Variants in MCTP2 observed in about 807,000 individuals in gnomAD.
MCTP2 encodes the protein multiple C2 and transmembrane domain-containing protein 2.
MCTP2 carries 132 observed loss-of-function variants against 111.6 expected under a neutral mutation model. The observed-to-expected ratio is 1.18, with a 90% CI of 1.03 to 1.37. MCTP2 has a LOEUF of 1.37. MCTP2 is among the 40% of genes most tolerant of loss of function. MCTP2 has a pLI of 0.00. For synonymous variants in MCTP2, 395 were observed against 387.7 expected (o/e 1.02, Z -0.22); for missense variants, 1,183 against 1,067.9 (o/e 1.11, Z -1.50).
chr15:94,281,603 T>C (rs8035713), intron 1 of MCTP2, among the ~76,000 whole-genome samples: 77,596 of 151,914 alleles, frequency 0.51, 19,952 homozygotes, highest in East Asian at 0.61. Context: ...GTTGTTGTGA[T>C]GTTCACTGTT....
intron 1 of MCTP2, among the ~76,000 whole-genome samples, chr15:94,289,002 A>G (rs546392620): frequency 1.3e-5 from 2 of 152,334 alleles, no homozygotes; most frequent in South Asian, 2.1e-4. Flanking sequence ...TTGAAAAATA[A>G]TAGAGTCTCC....
intron 20 of MCTP2, among the ~76,000 whole-genome samples, chr15:94,464,878 G>A (rs1237470497): frequency 1.3e-5 from 2 of 152,020 alleles, no homozygotes; most frequent in Non-Finnish European, 2.9e-5. Context: ...TATTGATCCA[G>A]CAATGGACTA....
At chr15:94,244,347 T>TATACAC (rs1491409572) in intron 1 of MCTP2, among the ~76,000 whole-genome samples, 1 of 149,416 alleles carries the variant, frequency 6.7e-6, no homozygotes, top group Non-Finnish European at 1.5e-5. Context: ...CACGTATACG[T>TATACAC]ATACACATAC....
chr15:94,469,876 GACAAAAAAGA>G (rs200679998), intron 20 of MCTP2, among the ~76,000 whole-genome samples: 1,641 of 148,082 alleles, frequency 0.011, 32 homozygotes, highest in African/African-American at 0.039. Flanking sequence ...TCTCAAAAAA[GACAAAAAAGA>G]AAAAAAAAAA....
chr15:94,465,378 G>GTTTAC (rs2073180994), intron 20 of MCTP2, among the ~76,000 whole-genome samples: 1 of 152,044 alleles, frequency 6.6e-6, no homozygotes, highest in Non-Finnish European at 1.5e-5. Flanking sequence ...CTATGATAAA[G>GTTTAC]TTTACTTTAT....
chr15:94,434,667 A>G (rs2083369718), intron 17 of MCTP2, among the ~76,000 whole-genome samples: 1 of 152,096 alleles, frequency 6.6e-6, no homozygotes, highest in Non-Finnish European at 1.5e-5. Flanking sequence ...TTAAAAATCA[A>G]CCACTTTTAT....
intron 1 of MCTP2, among the ~76,000 whole-genome samples, chr15:94,296,473 A>C (rs750364940): frequency 2.0e-5 from 3 of 152,220 alleles, no homozygotes; most frequent in Non-Finnish European, 2.9e-5. Flanking sequence ...TCTGTGTATT[A>C]GTCCATTCAG....
chr15:94,313,727 G>T (rs1334823178), intron 2 of MCTP2, among the ~76,000 whole-genome samples: 2 of 151,812 alleles, frequency 1.3e-5, no homozygotes, highest in East Asian at 3.9e-4. Flanking sequence ...AACAAATACT[G>T]GGAAACATAG....
chr15:94,388,600 G>A (rs151217907), intron 14 of MCTP2, among the ~76,000 whole-genome samples: 10 of 152,274 alleles, frequency 6.6e-5, no homozygotes, highest in South Asian at 4.1e-4. Flanking sequence ...TTTAGAGGAT[G>A]TGTTTTAACC....
In MCTP2 at chr15:94,318,566, C is replaced by A. The variant is rs1030893954; in HGVS notation, c.637+2929C>A. ...AGGATTACAGGTGTGAGCCACCACG[C>A]CCGGCCAATAGTTTTTAAGTTTAGG... On this transcript the variant is annotated intron_variant, in intron 4 of 22. Coordinates refer to ENST00000357742, the MANE Select transcript of MCTP2 (RefSeq NM_001385001.1). Among the ~76,000 whole-genome samples the A allele has an allele frequency of 9.8e-5, 15 of 152,306 alleles. No homozygotes were observed. In the East Asian group the frequency reaches 2.9e-3, roughly 29 times the overall value.
intron 1 of MCTP2, among the ~76,000 whole-genome samples, chr15:94,295,511 T>C (rs1041011039): frequency 6.6e-6 from 1 of 152,088 alleles, no homozygotes; most frequent in Non-Finnish European, 1.5e-5. Context: ...CTGGGCTATG[T>C]TCAGGTATAC....
chr15:94,393,918 C>T (rs368315767), intron 14 of MCTP2, among the ~76,000 whole-genome samples: 14 of 151,648 alleles, frequency 9.2e-5, no homozygotes, highest in African/African-American at 2.7e-4. Flanking sequence ...GGCGTGGTGG[C>T]GTGCTTCTGT....
intron 1 of MCTP2, among the ~76,000 whole-genome samples, chr15:94,237,462 C>T (rs1438721589): frequency 6.6e-6 from 1 of 150,816 alleles, no homozygotes; most frequent in African/African-American, 2.4e-5. Flanking sequence ...TTTTATGCTG[C>T]CCAAATTCTT....
At chr15:94,298,780 C>T (rs773709616) in intron 2 of MCTP2, 50 bp downstream of exon 2, 1 of 1,135,908 alleles carries the variant, frequency 8.8e-7, no homozygotes, top group Non-Finnish European at 1.2e-6. Flanking sequence ...CTCTCTCTCT[C>T]TTTCCCTCTC....
chr15:94,475,765 G>C (rs573322200), intron 21 of MCTP2, among the ~76,000 whole-genome samples: 1 of 152,316 alleles, frequency 6.6e-6, no homozygotes, highest in South Asian at 2.1e-4. Flanking sequence ...CAGCTCCAAA[G>C]AGCAGAGTAG....
intron 20 of MCTP2, among the ~76,000 whole-genome samples, chr15:94,459,583 C>A (rs1318191270): frequency 1.3e-5 from 2 of 152,062 alleles, no homozygotes; most frequent in Non-Finnish European, 2.9e-5. Flanking sequence ...AGATATGATG[C>A]CTATTTGCTT....
chr15:94,243,985 A>G lies in MCTP2; in HGVS notation c.-66+12321A>G, dbSNP rs189520491. On this transcript the variant is annotated intron_variant, in intron 1 of 22. Transcript: ENST00000357742. ...TACACACACATATGTATACACATAC[A>G]TATGTGTATATATTTATGCACACAT... is the stretch of plus-strand genomic sequence containing the variant. Among the ~76,000 whole-genome samples, 599 of 146,594 alleles carry G rather than the reference A, an allele frequency of 4.1e-3. 3 individuals carry two copies. The highest frequency in any genetic ancestry group is 4.7e-3 in the Admixed American group (69 of 14,810).
At chr15:94,315,490 C>A in intron 3 of MCTP2, 39 bp from the exon 4 acceptor site, 1 of 1,442,742 alleles carries the variant, frequency 6.9e-7, no homozygotes, top group Non-Finnish European at 9.7e-7. Context: ...TGCTTGGGCC[C>A]AAGACATACT....
At chr15:94,339,494 TG>T (rs1347973553) in intron 5 of MCTP2, 62 bp downstream of exon 5, 3 of 1,433,302 alleles carry the variant, frequency 2.1e-6, no homozygotes, top group Non-Finnish European at 2.8e-6. Flanking sequence ...CAGTTTCTCA[TG>T]TCCTCTTAGA....
Sources: gnomAD v4.1 joint callset for allele counts (sites outside exome capture counted in the v4.1 genomes callset) on GRCh38, gnomAD v4.1.1 for gene constraint, MANE v1.5 for transcripts, NCBI Gene and HGNC (gene_info 2026-07-23, HGNC 2026-07-21) for gene names.